Variants in HS3ST4 observed in about 807,000 individuals in gnomAD.
HS3ST4 encodes heparan sulfate glucosamine 3-O-sulfotransferase 4.
HS3ST4 carries 17 observed loss-of-function variants against 29.2 expected under a neutral mutation model. The observed-to-expected ratio is 0.58, with a 90% CI of 0.40 to 0.87. The LOEUF is 0.87. HS3ST4 is among the 40% of genes least tolerant of loss of function. HS3ST4 has a pLI of 0.00. For synonymous variants in HS3ST4, 314 were observed against 285.7 expected, an observed-to-expected ratio of 1.10 and a Z score of -1.00; for missense variants, 627 against 634.5, an observed-to-expected ratio of 0.99 and a Z score of 0.13.
chr16:25,879,411 C>A (rs1967870443), intron 1 of HS3ST4, among the ~76,000 whole-genome samples: 1 of 152,092 alleles, frequency 6.6e-6, no homozygotes, highest in Admixed American at 6.5e-5. Flanking sequence ...TTCCACGTGG[C>A]AGGGGAGGTC....
intron 1 of HS3ST4, among the ~76,000 whole-genome samples, chr16:26,094,747 C>T (rs544614289): frequency 3.9e-4 from 59 of 152,304 alleles, no homozygotes; most frequent in African/African-American, 1.3e-3. Flanking sequence ...ATGACAGGAT[C>T]AAATTCACAC....
At chr16:26,022,614 G>GTCAAAA in intron 1 of HS3ST4, among the ~76,000 whole-genome samples, 1 of 151,938 alleles carries the variant, frequency 6.6e-6, no homozygotes, top group South Asian at 2.1e-4. Flanking sequence ...CAGGCAGCAG[G>GTCAAAA]TCAAAATCTG....
chr16:25,734,139 CAAA>C (rs1007178122), intron 1 of HS3ST4, among the ~76,000 whole-genome samples: 19 of 151,780 alleles, frequency 1.3e-4, no homozygotes, highest in African/African-American at 4.6e-4. Context: ...CAAAACAAAA[CAAA>C]AACACATTGT....
At position 26,135,973 on chromosome 16, in the gene HS3ST4, G is replaced by A. The variant is rs1898278528; in HGVS notation, c.1096G>A (p.Gly366Arg). Residue 366 changes from glycine to arginine, a missense_variant, in exon 2 of 2, where the codon GGG becomes AGG. Physicochemically the swap from Gly to Arg is moderately radical, Grantham distance 125. Transcript: ENST00000331351. Reference sequence around the variant, plus strand: ...TGAGCGACTCATTGTGGACCCCGCCGGGGAAATGGCCAAAGTACAGGATTT... The same window carrying A: ...TGAGCGACTCATTGTGGACCCCGCCAGGGAAATGGCCAAAGTACAGGATTT... ...SGERLIVDPA[G>R]EMAKVQDFLG... 13 of 1,613,972 alleles carry A rather than the reference G, an allele frequency of 8.1e-6. No homozygotes were observed. The highest frequency in any genetic ancestry group is 1.7e-4 in the Middle Eastern group (1 of 6,058).
intron 1 of HS3ST4, among the ~76,000 whole-genome samples, chr16:25,778,219 A>G (rs1214195151): frequency 1.3e-5 from 2 of 152,204 alleles, no homozygotes; most frequent in Non-Finnish European, 2.9e-5. Flanking sequence ...ATCACCTTCT[A>G]AGACCTAGTT....
At chr16:25,766,158 G>C (rs979136261) in intron 1 of HS3ST4, among the ~76,000 whole-genome samples, 1 of 151,916 alleles carries the variant, frequency 6.6e-6, no homozygotes, top group African/African-American at 2.4e-5. Context: ...TAGGGAGCTT[G>C]GTTAATCAGA....
chr16:26,081,202 A>T (rs1317887252), intron 1 of HS3ST4, among the ~76,000 whole-genome samples: 1 of 151,358 alleles, frequency 6.6e-6, no homozygotes, highest in African/African-American at 2.4e-5. Context: ...CAGAAGAATC[A>T]CTTGAGCCCA....
intron 1 of HS3ST4, among the ~76,000 whole-genome samples, chr16:26,051,662 T>TCC (rs1898347351): frequency 6.6e-6 from 1 of 151,450 alleles, no homozygotes; most frequent in East Asian, 2.0e-4. Flanking sequence ...CCCACCACTC[T>TCC]CCCTCTCCCT....
chr16:25,754,908 T>C (rs1966746929), intron 1 of HS3ST4, among the ~76,000 whole-genome samples: 2 of 151,746 alleles, frequency 1.3e-5, no homozygotes, highest in South Asian at 4.2e-4. Flanking sequence ...AACCTGCCCA[T>C]CCACCCATCC....
intron 1 of HS3ST4, among the ~76,000 whole-genome samples, chr16:25,785,598 C>T (rs1271145082): frequency 6.6e-6 from 1 of 152,136 alleles, no homozygotes; most frequent in East Asian, 1.9e-4. Flanking sequence ...TGATCTCAGC[C>T]ATCCCTCAGC....
chr16:25,774,036 C>T (rs1246076109), intron 1 of HS3ST4, among the ~76,000 whole-genome samples: 2 of 152,034 alleles, frequency 1.3e-5, no homozygotes, highest in Non-Finnish European at 2.9e-5. Flanking sequence ...TGTGGGAGCT[C>T]CTAGGAAGAC....
At chr16:25,857,920 C>CTTTCTTTCTTTCTTTCTT in intron 1 of HS3ST4, among the ~76,000 whole-genome samples, 1 of 24,156 alleles carries the variant, frequency 4.1e-5, no homozygotes, top group African/African-American at 2.7e-4. Context: ...TCCTTCCTTC[C>CTTTCTTTCTTTCTTTCTT]TTTCTTTCTT....
chr16:26,119,156 A>G (rs1899238688), intron 1 of HS3ST4, among the ~76,000 whole-genome samples: 1 of 152,170 alleles, frequency 6.6e-6, no homozygotes, highest in Non-Finnish European at 1.5e-5. Context: ...CTGAGCCCAA[A>G]CATCCCACAC....
intron 1 of HS3ST4, among the ~76,000 whole-genome samples, chr16:26,027,446 G>A (rs111449035): frequency 0.044 from 6,639 of 152,214 alleles, 165 homozygotes; most frequent in Middle Eastern, 0.14. Context: ...TATTCTCTGT[G>A]AACATTGTCT....
chr16:25,875,996 C>T (rs1425619375), intron 1 of HS3ST4, among the ~76,000 whole-genome samples: 1 of 152,138 alleles, frequency 6.6e-6, no homozygotes, highest in African/African-American at 2.4e-5. Context: ...ACAAAGATTT[C>T]TGGAACATAG....
intron 1 of HS3ST4, among the ~76,000 whole-genome samples, chr16:25,704,919 T>A (rs1222577945): frequency 6.6e-6 from 1 of 150,998 alleles, no homozygotes; most frequent in Admixed American, 6.6e-5. Flanking sequence ...CATCTTGCTC[T>A]GTTGGTTGCC....
intron 1 of HS3ST4, among the ~76,000 whole-genome samples, chr16:25,696,358 A>G (rs1223668042): frequency 6.6e-6 from 1 of 152,226 alleles, no homozygotes; most frequent in Non-Finnish European, 1.5e-5. Flanking sequence ...CTGGCTGCCA[A>G]TGCAGAACTC....
At chr16:26,064,264 A>C (rs998635079) in intron 1 of HS3ST4, among the ~76,000 whole-genome samples, 3 of 152,188 alleles carry the variant, frequency 2.0e-5, no homozygotes, top group African/African-American at 7.2e-5. Context: ...CTTTTAAACT[A>C]AACTCAGTTT....
intron 1 of HS3ST4, among the ~76,000 whole-genome samples, chr16:25,824,141 G>T (rs1967192176): frequency 6.6e-6 from 1 of 152,194 alleles, no homozygotes; most frequent in South Asian, 2.1e-4. Flanking sequence ...GCTGAGTCAG[G>T]TGCCCCTGAA....
Sources: allele counts gnomAD v4.1 joint callset (sites outside exome capture counted in the v4.1 genomes callset), GRCh38; gene constraint gnomAD v4.1.1; transcripts MANE v1.5; gene names NCBI Gene and HGNC (gene_info 2026-07-23, HGNC 2026-07-21).